Variants in ACACA observed in about 807,000 individuals in gnomAD.
ACACA encodes the protein acetyl-CoA carboxylase alpha.
Under a neutral mutation model 296.1 loss-of-function variants are expected in ACACA, and 103 were observed. That is an observed-to-expected ratio of 0.35 (90% confidence interval 0.30 to 0.41). The LOEUF (loss-of-function observed/expected upper bound fraction) is 0.41, where lower values mean the gene tolerates loss of function less well. Ranked by LOEUF, ACACA falls within the 10% of genes least tolerant of loss-of-function variation. ACACA has a pLI of 1.00. For synonymous variants in ACACA, 953 were observed against 1,038.6 expected, an observed-to-expected ratio of 0.92 and a Z score of 1.58; for missense variants, 1,554 against 2,989.7, an observed-to-expected ratio of 0.52 and a Z score of 11.20.
chr17:37,386,671 C>T (rs1006423160), intron 1 of ACACA, among the ~76,000 whole-genome samples: 1 of 152,130 alleles, frequency 6.6e-6, no homozygotes, highest in Non-Finnish European at 1.5e-5. Flanking sequence ...TCATTTATCT[C>T]CACGCAAATG....
Position 37,167,717 on chromosome 17 carries a change from G to C in ACACA, c.5080-5667C>G, listed in dbSNP as rs1265423584. Among the ~76,000 whole-genome samples the C allele has an allele frequency of 2.7e-5, 4 of 148,426 alleles. No individual in the cohort carries two copies. The South Asian group carries it at 8.5e-4, about 31-fold the overall frequency. On this transcript the variant is annotated intron_variant, in intron 41 of 55. Transcript: ENST00000616317. ...CTGGCAAAAAAAAAAAAAAAAAAGA[G>C]GTCTGTGGTTTATTTAATACAATTG...
chr17:37,229,677 TTTTTA>T (rs1174058303), intron 25 of ACACA, among the ~76,000 whole-genome samples: 1 of 152,124 alleles, frequency 6.6e-6, no homozygotes, highest in Non-Finnish European at 1.5e-5. Flanking sequence ...AAAAACCACT[TTTTTA>T]TTTTATCTTT....
chr17:37,375,133 G>A (rs1370798668), intron 1 of ACACA, among the ~76,000 whole-genome samples: 2 of 151,900 alleles, frequency 1.3e-5, no homozygotes, highest in East Asian at 3.9e-4. Context: ...GATGAAGGTT[G>A]CAGTGAGCCA....
At chr17:37,125,665 G>T in intron 48 of ACACA, 33 bp downstream of exon 48, 1 of 1,546,178 alleles carries the variant, frequency 6.5e-7, no homozygotes, top group Non-Finnish European at 8.9e-7. Context: ...TAGTTGGGAG[G>T]AAAAAGAGCT....
intron 11 of ACACA, among the ~76,000 whole-genome samples, chr17:37,259,842 C>T (rs1462846986): frequency 6.6e-6 from 1 of 151,618 alleles, no homozygotes; most frequent in African/African-American, 2.4e-5. Flanking sequence ...ATATGCTCCT[C>T]TTCTTCCTAG....
At position 37,277,906 on chromosome 17, in the gene ACACA, A is replaced by T; in HGVS notation, c.710T>A (p.Ile237Asn). The change falls in exon 6 of 56, where the codon ATC (isoleucine) becomes AAC (asparagine). Residue 237 changes from isoleucine to asparagine, a missense_variant. Ile to Asn is a moderately radical substitution (Grantham distance 149). Transcript: ENST00000616317. ...ATTGGCATCTCTTACTTGTACTGGGATCCTTTTAGCAATATCAAGAATTAA... is the reference window on the plus strand; with the variant it reads ...ATTGGCATCTCTTACTTGTACTGGGTTCCTTTTAGCAATATCAAGAATTAA... ...VELILDIAKR[I>N]PVQAVWAGWG... 1 of 1,612,770 alleles carries T rather than the reference A, an allele frequency of 6.2e-7. No homozygotes were observed. Among genetic ancestry groups the T allele is most frequent in the Non-Finnish European group, 8.5e-7 (1 of 1,178,808 alleles).
chr17:37,170,104 A>C (rs1166337329), intron 41 of ACACA, among the ~76,000 whole-genome samples: 1 of 152,126 alleles, frequency 6.6e-6, no homozygotes, highest in Non-Finnish European at 1.5e-5. Context: ...TTCATAACAG[A>C]ACATTCCAAC....
chr17:37,299,406 C>T (rs2083510266), intron 3 of ACACA: 1 of 1,610,756 alleles, frequency 6.2e-7, no homozygotes, highest in Non-Finnish European at 8.5e-7. Flanking sequence ...GTTCCTCCTC[C>T]TGTTGCAGCT....
At position 37,283,251 on chromosome 17, in the gene ACACA, A is replaced by C; in HGVS notation, c.610+16T>G. The C allele has an allele frequency of 6.2e-7, 1 of 1,614,056 alleles. No homozygotes were observed. The highest frequency in any genetic ancestry group is 8.5e-7 in the Non-Finnish European group (1 of 1,179,954). On this transcript the variant is annotated intron_variant, in intron 5 of 55. Coordinates refer to ENST00000616317, the MANE Select transcript of ACACA (RefSeq NM_198834.3). Reference sequence around the variant, plus strand: ...TTAGTTTTGAGAGTGATGCTTTCATAATGCTAATAACTCACCTGCATTGGC... The same window carrying C: ...TTAGTTTTGAGAGTGATGCTTTCATCATGCTAATAACTCACCTGCATTGGC...
chr17:37,110,756 C>CT (rs1350295934), intron 52 of ACACA, among the ~76,000 whole-genome samples: 3 of 152,220 alleles, frequency 2.0e-5, no homozygotes, highest in African/African-American at 7.2e-5. Context: ...AAGGCAATCT[C>CT]TGTTCCTTTA....
At chr17:37,377,007 C>A (rs930420458) in intron 1 of ACACA, among the ~76,000 whole-genome samples, 2 of 151,908 alleles carry the variant, frequency 1.3e-5, no homozygotes, top group Non-Finnish European at 2.9e-5. Context: ...GAATTAAGAC[C>A]AAATGGCACA....
At chr17:37,273,500 G>T (rs372970028) in intron 9 of ACACA, among the ~76,000 whole-genome samples, 1 of 152,194 alleles carries the variant, frequency 6.6e-6, no homozygotes, top group Non-Finnish European at 1.5e-5. Context: ...TATGTGATTG[G>T]TCAACTTGGA....
At chr17:37,245,004 T>C in intron 20 of ACACA, 76 bp downstream of exon 20, 3 of 1,599,420 alleles carry the variant, frequency 1.9e-6, no homozygotes, top group Non-Finnish European at 1.7e-6. Flanking sequence ...AACCAAGCAT[T>C]GAAATCACTT....
chr17:37,326,399 C>T (rs1453438902), intron 3 of ACACA, among the ~76,000 whole-genome samples: 2 of 151,512 alleles, frequency 1.3e-5, no homozygotes, highest in African/African-American at 2.4e-5. Context: ...GGCGTGGTGG[C>T]GTATGCCTGT....
chr17:37,396,713 G>A (rs922409469), intron 1 of ACACA, among the ~76,000 whole-genome samples: 9 of 152,030 alleles, frequency 5.9e-5, no homozygotes, highest in African/African-American at 1.4e-4. Flanking sequence ...ATGACTAAAG[G>A]CCAGAAGAAA....
At position 37,181,517 on chromosome 17, in the gene ACACA, C is replaced by A. The variant is rs1301960572; in HGVS notation, c.4777-161G>T. ...TAACACTGGGTACTTGGTGCTCTCA[C>A]CTCTCCACAGATTAACCAACTCCAA... is the stretch of plus-strand genomic sequence containing the variant. On this transcript the variant is annotated intron_variant, in intron 39 of 55. Coordinates refer to ENST00000616317, the MANE Select transcript of ACACA (RefSeq NM_198834.3). Among the ~76,000 whole-genome samples, 4 of 152,142 alleles carry A rather than the reference C, an allele frequency of 2.6e-5. No individual in the cohort carries two copies. The East Asian group carries it at 7.7e-4, about 29-fold the overall frequency.
chr17:37,285,186 A>G (rs1021289425), intron 3 of ACACA, among the ~76,000 whole-genome samples: 1 of 152,240 alleles, frequency 6.6e-6, no homozygotes, highest in Admixed American at 6.5e-5. Context: ...AGATAATATC[A>G]AGGTTTACCA....
intron 40 of ACACA, 27 bp downstream of exon 40, chr17:37,181,174 G>T: frequency 6.2e-7 from 1 of 1,613,586 alleles, no homozygotes; most frequent in Non-Finnish European, 8.5e-7. Flanking sequence ...CTTAGAACAT[G>T]TCAGACCCTC....
chr17:37,389,130 C>T, intron 1 of ACACA: 1 of 1,331,990 alleles, frequency 7.5e-7, no homozygotes, highest in African/African-American at 1.5e-5. Flanking sequence ...TCCAATAGGA[C>T]TGAATATTTT....
Sources: allele counts gnomAD v4.1 joint callset (sites outside exome capture counted in the v4.1 genomes callset), GRCh38; gene constraint gnomAD v4.1.1; transcripts MANE v1.5; gene names NCBI Gene and HGNC (gene_info 2026-07-23, HGNC 2026-07-21).